The following VPS13B variants were observed in gnomAD, a reference collection of about 807,000 sequenced individuals.
VPS13B encodes the protein intermembrane lipid transfer protein VPS13B.
VPS13B carries 285 observed loss-of-function variants against 426.4 expected under a neutral mutation model. That is an observed-to-expected ratio of 0.67 (90% CI 0.61 to 0.74). VPS13B has a LOEUF of 0.74. Ranked by LOEUF, VPS13B falls within the 30% of genes least tolerant of loss-of-function variation. The pLI is 0.00. For missense variants in VPS13B, 4,537 were observed against 4,782.6 expected (o/e 0.95, Z 1.51); for synonymous variants, 1,676 against 1,676.4 (o/e 1.00, Z 0.01).
At chr8:99,437,596 T>C (rs1314216413) in intron 22 of VPS13B, among the ~76,000 whole-genome samples, 1 of 152,054 alleles carries the variant, frequency 6.6e-6, no homozygotes, top group East Asian at 1.9e-4. Context: ...TGCCCACCTG[T>C]AGTCCCACCT....
intron 1 of VPS13B, 141 bp downstream of exon 1, chr8:99,013,488 C>A: frequency 2.4e-6 from 1 of 408,964 alleles, no homozygotes; most frequent in South Asian, 2.2e-5. Context: ...CTACTGCGGC[C>A]GAAGGGGAGC....
At chr8:99,182,270 C>G (rs1409804981) in intron 16 of VPS13B, among the ~76,000 whole-genome samples, 1 of 152,078 alleles carries the variant, frequency 6.6e-6, no homozygotes, top group Non-Finnish European at 1.5e-5. Context: ...ATATGAATTT[C>G]TGGAACAGGC....
intron 52 of VPS13B, among the ~76,000 whole-genome samples, chr8:99,834,539 A>T (rs6995658): frequency 2.1e-5 from 3 of 145,186 alleles, no homozygotes; most frequent in East Asian, 4.0e-4. Flanking sequence ...TCTTATTTTT[A>T]TTTTTTATTT....
chr8:99,680,163 A>G (rs1377139873), intron 35 of VPS13B, among the ~76,000 whole-genome samples: 3 of 152,216 alleles, frequency 2.0e-5, no homozygotes, highest in African/African-American at 7.2e-5. Flanking sequence ...ATAACAAGCC[A>G]TATTGAATTC....
intron 43 of VPS13B, among the ~76,000 whole-genome samples, chr8:99,801,651 A>G (rs1246847968): frequency 6.6e-6 from 1 of 152,166 alleles, no homozygotes; most frequent in Non-Finnish European, 1.5e-5. Context: ...AACTTCCCCA[A>G]GCAGAACACC....
intron 23 of VPS13B, among the ~76,000 whole-genome samples, chr8:99,462,674 C>A (rs778354463): frequency 6.6e-6 from 1 of 152,032 alleles, no homozygotes; most frequent in Non-Finnish European, 1.5e-5. Context: ...ATTTGTGTTC[C>A]CTCAAATTCA....
At chr8:99,580,340 A>ATTTCTTTTCT (rs530175864) in intron 33 of VPS13B, among the ~76,000 whole-genome samples, 12 of 141,342 alleles carry the variant, frequency 8.5e-5, no homozygotes, top group Non-Finnish European at 1.4e-4. Context: ...ATATATATAT[A>ATTTCTTTTCT]TTTCTTTTCT....
chr8:99,603,250 G>A (rs1014874463), intron 33 of VPS13B, among the ~76,000 whole-genome samples: 2 of 152,180 alleles, frequency 1.3e-5, no homozygotes, highest in African/African-American at 4.8e-5. Flanking sequence ...CACCACAGAT[G>A]CAAGTGCAGC....
intron 16 of VPS13B, among the ~76,000 whole-genome samples, chr8:99,171,905 C>T (rs1812356665): frequency 6.6e-6 from 1 of 151,962 alleles, no homozygotes; most frequent in Non-Finnish European, 1.5e-5. Flanking sequence ...GCAGTATGTC[C>T]TATAAGTTTA....
rs201640721 is a variant in VPS13B at position 99,190,824 on chromosome 8, TTTC to T, written c.2334-2043_2334-2041del. 8.9e-3 allele frequency among the ~76,000 whole-genome samples: 1,362 copies of T among 152,242 alleles called. 12 individuals are homozygous for T. The highest frequency in any genetic ancestry group is 0.023 in the African/African-American group (976 of 41,542). ...TAATCTTATTAGAAGATAATGTTTC[TTTC>T]TTCTTCTTTTTTTTTTAAAAAATTC... On this transcript the variant is annotated intron_variant, in intron 16 of 61. Coordinates refer to ENST00000357162, the MANE Select transcript of VPS13B (RefSeq NM_152564.5).
chr8:99,431,054 A>C (rs1817079153), intron 21 of VPS13B, among the ~76,000 whole-genome samples: 1 of 152,182 alleles, frequency 6.6e-6, no homozygotes, highest in Non-Finnish European at 1.5e-5. Context: ...TTTATTGGTA[A>C]GTTTTTGTTA....
intron 19 of VPS13B, among the ~76,000 whole-genome samples, chr8:99,355,097 C>T (rs1452270401): frequency 2.0e-5 from 3 of 152,086 alleles, no homozygotes; most frequent in Admixed American, 2.0e-4. Flanking sequence ...AATATAATTT[C>T]CCTCAGGCAT....
chr8:99,121,405 C>T lies in VPS13B; in HGVS notation c.1166C>T (p.Ser389Phe). 6.2e-7 allele frequency: 1 copy of T among 1,614,172 alleles called. No homozygotes were observed. Among genetic ancestry groups the T allele is most frequent in the Non-Finnish European group, 8.5e-7 (1 of 1,180,024 alleles). The stretch of plus-strand genomic sequence containing the variant: ...CAGACTTTGAAGGATCCTATTGTTT[C>T]TATAGGATTTTATTGCACAAAGGCA... ...KAQTLKDPIV[S>F]IGFYCTKATV... The change falls in exon 8 of 62, where the codon TCT (serine) becomes TTT (phenylalanine). Residue 389 changes from serine (S) to phenylalanine (F), a missense_variant. By Grantham distance (155) the Ser-to-Phe change is radical. Coordinates refer to ENST00000357162, the MANE Select transcript of VPS13B (RefSeq NM_152564.5).
At chr8:99,324,409 C>T (rs1041876052) in intron 19 of VPS13B, among the ~76,000 whole-genome samples, 2 of 152,128 alleles carry the variant, frequency 1.3e-5, no homozygotes, top group Middle Eastern at 3.2e-3. Flanking sequence ...AGATTTTATT[C>T]CACTGGACCA....
At chr8:99,599,801 G>A (rs957789606) in intron 33 of VPS13B, among the ~76,000 whole-genome samples, 6 of 152,028 alleles carry the variant, frequency 3.9e-5, no homozygotes, top group African/African-American at 1.4e-4. Flanking sequence ...CTTAAACCCC[G>A]TAATCTTCCT....
At chr8:99,277,522 C>T (rs937854246) in intron 19 of VPS13B, among the ~76,000 whole-genome samples, 18 of 152,068 alleles carry the variant, frequency 1.2e-4, no homozygotes, top group Non-Finnish European at 2.2e-4. Flanking sequence ...ATGTTATAGA[C>T]AAGTCATAAG....
At chr8:99,646,150 T>A (rs1588583275) in intron 34 of VPS13B, among the ~76,000 whole-genome samples, 1 of 152,260 alleles carries the variant, frequency 6.6e-6, no homozygotes, top group Non-Finnish European at 1.5e-5. Flanking sequence ...GTTAAAGGCA[T>A]CATAAGTTAA....
At chr8:99,754,085 GTTT>G (rs34681251) in intron 39 of VPS13B, among the ~76,000 whole-genome samples, 5 of 121,144 alleles carry the variant, frequency 4.1e-5, no homozygotes, top group Non-Finnish European at 5.2e-5. Flanking sequence ...TAGTATAAGG[GTTT>G]TTTTTTTTTT....
At chr8:99,556,754 G>A (rs1026266977) in intron 31 of VPS13B, 101 bp downstream of exon 31, 5 of 1,277,130 alleles carry the variant, frequency 3.9e-6, no homozygotes, top group Admixed American at 2.0e-5. Context: ...AAGTATTTTG[G>A]TATTGCTTCT....
Sources: allele counts gnomAD v4.1 joint callset (sites outside exome capture counted in the v4.1 genomes callset), GRCh38; gene constraint gnomAD v4.1.1; transcripts MANE v1.5; gene names NCBI Gene and HGNC (gene_info 2026-07-23, HGNC 2026-07-21).